Variants in PIEZO1 observed in about 807,000 individuals in gnomAD.
PIEZO1 encodes piezo type mechanosensitive ion channel component 1 (Er blood group), also known as piezo-type mechanosensitive ion channel component 1.
A neutral mutation model predicts 297.2 loss-of-function variants in PIEZO1; 296 were observed. The observed-to-expected ratio is 1.00, with a 90% confidence interval of 0.91 to 1.10. PIEZO1 has a LOEUF of 1.10. Among genes scored for constraint, PIEZO1 ranks in the 50% least tolerant of loss-of-function variants. The pLI is 0.00. For synonymous variants in PIEZO1, 2,427 were observed against 1,507.5 expected (o/e 1.61, Z -14.13); for missense variants, 5,018 against 3,455.5 (o/e 1.45, Z -11.34).
Position 88,722,377 on chromosome 16 carries a change from G to T in PIEZO1, c.4796C>A (p.Pro1599Gln). The T allele has an allele frequency of 6.6e-7, 1 of 1,515,640 alleles. No individual in the cohort carries two copies. The highest frequency in any genetic ancestry group is 8.9e-7 in the Non-Finnish European group (1 of 1,128,356). The allele number at this position is 1,515,640 out of a possible 1,614,324, so 93.9% of individuals were successfully genotyped here. A position where few individuals can be genotyped will look rare whatever the true frequency, so the allele number is the denominator to read the frequency against. Reference protein sequence around the residue: ...TVSSGLGAEEPLSSMTDDMGS... With the variant: ...TVSSGLGAEEQLSSMTDDMGS... Reference sequence around the variant, plus strand: ...CATGTCGTCTGTCATGCTGCTGAGTGGCTCCTCCGCGCCCAGCCCACTGGG... The same window carrying T: ...CATGTCGTCTGTCATGCTGCTGAGTTGCTCCTCCGCGCCCAGCCCACTGGG... The change falls in exon 36 of 51, where the codon CCA becomes CAA. Residue 1599 changes from proline (P) to glutamine (Q), a missense_variant. Transcript: ENST00000301015.
intron 1 of PIEZO1, among the ~76,000 whole-genome samples, chr16:88,764,859 C>T (rs1179639885): frequency 6.6e-6 from 1 of 152,194 alleles, no homozygotes; most frequent in African/African-American, 2.4e-5. Flanking sequence ...CCCTCGGCAC[C>T]AGGGGCAGAC....
At chr16:88,754,483 C>T (rs1906555670) in intron 1 of PIEZO1, among the ~76,000 whole-genome samples, 1 of 152,194 alleles carries the variant, frequency 6.6e-6, no homozygotes, top group African/African-American at 2.4e-5. Flanking sequence ...TGCAGCTGAC[C>T]CACGCCCGGG....
At chr16:88,769,835 G>C (rs1487180674) in intron 1 of PIEZO1, among the ~76,000 whole-genome samples, 1 of 152,216 alleles carries the variant, frequency 6.6e-6, no homozygotes, top group East Asian at 1.9e-4. Flanking sequence ...ACCTCTGCTA[G>C]CTCAGAGCTG....
In PIEZO1 at chr16:88,733,448, C is replaced by G; in HGVS notation, c.2494G>C (p.Val832Leu). The change falls in exon 19 of 51, where the codon GTG becomes CTG. Residue 832 changes from valine (V) to leucine (L), a missense_variant. By Grantham distance (32) the Val-to-Leu change is conservative (BLOSUM62 1). Coordinates refer to ENST00000301015, the MANE Select transcript of PIEZO1 (RefSeq NM_001142864.4). The stretch of plus-strand genomic sequence containing the variant: ...AGCACCACCAGCAGCAGGTTCATCA[C>G]CGACACCTGAGGGCAGTGGGCACGT... ...TVWVALKEVS[V>L]MNLLLVVLWA... The G allele has an allele frequency of 6.5e-7, 1 of 1,548,440 alleles. No homozygotes were observed. The highest frequency in any genetic ancestry group is 8.7e-7 in the Non-Finnish European group (1 of 1,145,674).
Position 88,722,995 on chromosome 16 carries a change from C to G in PIEZO1, c.4510G>C (p.Val1504Leu), listed in dbSNP as rs981858382. 1.3e-6 allele frequency: 2 copies of G among 1,547,462 alleles called. No homozygotes were observed. The highest frequency in any genetic ancestry group is 1.4e-5 in the African/African-American group (1 of 73,010). ...EEAAAGRSHV[V>L]QRVLSTAQFL... ...TGCGCCGTGCTCAGCACCCTCTGCA[C>G]CACATGGCTCCGGCCTGCGGGAGGG... The change falls in exon 34 of 51, where the codon GTG (valine) becomes CTG (leucine). Residue 1504 changes from valine to leucine, a missense_variant. Coordinates refer to ENST00000301015, the MANE Select transcript of PIEZO1 (RefSeq NM_001142864.4).
Position 88,720,713 on chromosome 16 carries a change from CT to C in PIEZO1, c.5703del (p.Glu1902ArgfsTer19). On this transcript the variant is annotated frameshift_variant, in exon 40 of 51. Transcript: ENST00000301015. LOFTEE classifies it high-confidence loss of function. Reference protein sequence around the residue: ...AEDREEEEGEEEKEAPTGREK... With the variant: ...AEDREEEEGEXEKEAPTGREK... ...TCTCTCCCCGTGGGGGCCTCTTTCT[CT>C]TCCTCCCCCTCTTCTTCCTCCCTGT... 1.3e-6 allele frequency: 2 copies of C among 1,530,464 alleles called. No individual in the cohort carries two copies. Among genetic ancestry groups the C allele is most frequent in the Non-Finnish European group, 1.8e-6 (2 of 1,138,550 alleles). The allele number at this position is 1,530,464 out of a possible 1,614,324, so 94.8% of individuals were successfully genotyped here.
intron 2 of PIEZO1, chr16:88,742,625 C>G: frequency 1.8e-6 from 1 of 568,076 alleles, no homozygotes. Context: ...CACAAGGAGC[C>G]GGGCATCCTC....
At chr16:88,736,538 G>A (rs909718670) in intron 11 of PIEZO1, 101 bp downstream of exon 11, 1 of 602,236 alleles carries the variant, frequency 1.7e-6, no homozygotes, top group Non-Finnish European at 3.0e-6. Flanking sequence ...CACCTGCGCG[G>A]CAGAGGGGGC....
intron 10 of PIEZO1, 111 bp downstream of exon 10, chr16:88,737,448 G>C: frequency 1.4e-6 from 1 of 712,508 alleles, no homozygotes; most frequent in Middle Eastern, 4.0e-4. Context: ...GGGGGCGGCA[G>C]GCAGAGGTGC....
chr16:88,778,641 G>A (rs1907785296), intron 1 of PIEZO1, among the ~76,000 whole-genome samples: 1 of 152,202 alleles, frequency 6.6e-6, no homozygotes, highest in African/African-American at 2.4e-5. Flanking sequence ...GGGACGGTCA[G>A]CGTCCCCATG....
intron 31 of PIEZO1, 56 bp downstream of exon 31, chr16:88,723,815 T>G (rs2142774220): frequency 1.0e-6 from 1 of 953,684 alleles, no homozygotes; most frequent in South Asian, 1.4e-5. Flanking sequence ...GCTGCCCTGG[T>G]CCAGGACCAC....
In PIEZO1 at chr16:88,726,866, C is replaced by G; in HGVS notation, c.3548G>C (p.Ser1183Thr). The change falls in exon 25 of 51, where the codon AGC becomes ACC. Residue 1183 changes from serine (S) to threonine (T), a missense_variant. Ser to Thr is a moderately conservative substitution (Grantham distance 58, BLOSUM62 1). Coordinates refer to ENST00000301015, the MANE Select transcript of PIEZO1 (RefSeq NM_001142864.4). The stretch of plus-strand genomic sequence containing the variant: ...CAGCAGGTAGCCCAGCCCGAAGATG[C>G]TGATGCGGGTGGCCCCCGTGACAAA... ...VVFVTGATRI[S>T]IFGLGYLLAC... 1 of 1,550,404 alleles carries G rather than the reference C, an allele frequency of 6.4e-7. No individual in the cohort carries two copies. Among genetic ancestry groups the G allele is most frequent in the Non-Finnish European group, 8.7e-7 (1 of 1,146,908 alleles).
At chr16:88,722,779 G>C (rs1904289881) in intron 34 of PIEZO1, 58 bp downstream of exon 34, 3 of 1,530,450 alleles carry the variant, frequency 2.0e-6, no homozygotes, top group Non-Finnish European at 2.6e-6. Flanking sequence ...AGGCTGTTAA[G>C]CAGGCAGGGG....
rs556428328 is a variant in PIEZO1, at chr16:88,777,931, T to A, written c.64+6970A>T. On this transcript the variant is annotated intron_variant, in intron 1 of 50. Coordinates refer to ENST00000301015, the MANE Select transcript of PIEZO1 (RefSeq NM_001142864.4). The stretch of plus-strand genomic sequence containing the variant: ...CTGTCCCCTCCTTTGACGCCCCTCC[T>A]GGGCAGGCGGCCTCCGCAAACCTGC... Among the ~76,000 whole-genome samples, 749 of 152,288 alleles carry A rather than the reference T, an allele frequency of 4.9e-3. 6 individuals carry two copies. Among genetic ancestry groups the A allele is most frequent in the African/African-American group, 0.017 (708 of 41,572 alleles).
intron 1 of PIEZO1, among the ~76,000 whole-genome samples, chr16:88,755,419 A>T (rs1442307906): frequency 2.0e-5 from 3 of 152,152 alleles, no homozygotes; most frequent in Non-Finnish European, 4.4e-5. Context: ...TTCTTCCTAA[A>T]CAAACCCGGT....
rs371733171 is a variant in PIEZO1 at position 88,733,771 on chromosome 16, G to T, written c.2330-26C>A. ...CTGTGATGGTGTGAGGGTCAGTGCG[G>T]GGCACAAACGGGGATTCCCGGGTCC... On this transcript the variant is annotated intron_variant, in intron 17 of 50. Coordinates refer to ENST00000301015, the MANE Select transcript of PIEZO1 (RefSeq NM_001142864.4). 2.9e-5 allele frequency: 44 copies of T among 1,500,566 alleles called. No individual in the cohort carries two copies. In the South Asian group the frequency reaches 3.1e-4, roughly 10 times the overall value. The allele number at this position is 1,500,566 out of a possible 1,614,324, so 93.0% of individuals were successfully genotyped here.
At chr16:88,765,261 G>A (rs1036500808) in intron 1 of PIEZO1, among the ~76,000 whole-genome samples, 1 of 150,552 alleles carries the variant, frequency 6.6e-6, no homozygotes, top group Admixed American at 6.6e-5. Context: ...CCAGCCACTC[G>A]GAGGCAGCCT....
chr16:88,737,214 CCACCTGGAG>C, intron 10 of PIEZO1: 1 of 281,012 alleles, frequency 3.6e-6, no homozygotes, highest in Admixed American at 5.2e-5. Context: ...GGCCACTGGG[CCACCTGGAG>C]CAGCTCCCAG....
chr16:88,731,636 G>T, intron 22 of PIEZO1, 70 bp downstream of exon 22: 1 of 1,245,060 alleles, frequency 8.0e-7, no homozygotes, highest in Non-Finnish European at 1.1e-6. Context: ...TCTGGGGCAG[G>T]CGGGAAACAC....
Sources: gnomAD v4.1 joint callset for allele counts (sites outside exome capture counted in the v4.1 genomes callset) on GRCh38, gnomAD v4.1.1 for gene constraint, MANE v1.5 for transcripts, NCBI Gene and HGNC (gene_info 2026-07-23, HGNC 2026-07-21) for gene names.